The following CTNNA2 variants were observed in gnomAD, a reference collection of about 807,000 sequenced individuals.
CTNNA2 encodes the protein catenin alpha-2.
A neutral mutation model predicts 101.0 loss-of-function variants in CTNNA2; 42 were observed. The observed-to-expected ratio is 0.42, with a 90% CI of 0.32 to 0.54. CTNNA2 has a LOEUF of 0.54. Ranked by LOEUF, CTNNA2 falls within the 20% of genes least tolerant of loss-of-function variation. CTNNA2 has a pLI of 0.14. For synonymous variants in CTNNA2, 450 were observed against 456.4 expected (o/e 0.99, Z 0.18); for missense variants, 871 against 1,223.1 (o/e 0.71, Z 4.29).
chr2:79,781,287 G>A (rs998453432), intron 3 of CTNNA2, among the ~76,000 whole-genome samples: 4 of 152,128 alleles, frequency 2.6e-5, no homozygotes, highest in African/African-American at 9.7e-5. Flanking sequence ...GATCACTCTC[G>A]TCACCATCTT....
At chr2:79,821,559 A>G (rs1489875892) in intron 3 of CTNNA2, among the ~76,000 whole-genome samples, 1 of 152,220 alleles carries the variant, frequency 6.6e-6, no homozygotes, top group African/African-American at 2.4e-5. Context: ...AGAAAATGAA[A>G]GTTATTTTGA....
At chr2:79,226,220 G>A (rs759394126) in intron 2 of CTNNA2, among the ~76,000 whole-genome samples, 1 of 152,216 alleles carries the variant, frequency 6.6e-6, no homozygotes, top group Middle Eastern at 3.4e-3. Context: ...AAGATTATAT[G>A]ATGTACTCAT....
chr2:80,181,305 G>A (rs530445634), intron 7 of CTNNA2, among the ~76,000 whole-genome samples: 1 of 152,286 alleles, frequency 6.6e-6, no homozygotes, highest in African/African-American at 2.4e-5. Context: ...GGGTGGGGAA[G>A]GAGATGTTGC....
At chr2:79,208,878 T>C (rs1351320141) in intron 2 of CTNNA2, among the ~76,000 whole-genome samples, 1 of 152,258 alleles carries the variant, frequency 6.6e-6, no homozygotes, top group Non-Finnish European at 1.5e-5. Flanking sequence ...TCTTGTTTCC[T>C]TCTTTGACAG....
chr2:79,716,013 G>A (rs1243013079), intron 2 of CTNNA2, among the ~76,000 whole-genome samples: 2 of 149,550 alleles, frequency 1.3e-5, no homozygotes, highest in Admixed American at 6.7e-5. Context: ...CCAGTTAATC[G>A]ACTATAAGGA....
intron 2 of CTNNA2, among the ~76,000 whole-genome samples, chr2:79,239,844 C>A (rs1302582049): frequency 2.0e-5 from 3 of 151,786 alleles, no homozygotes; most frequent in African/African-American, 7.3e-5. Flanking sequence ...CGTAAAAGTG[C>A]TTTTTAATGT....
At chr2:79,725,879 G>A (rs79899499) in intron 2 of CTNNA2, among the ~76,000 whole-genome samples, 58 of 152,280 alleles carry the variant, frequency 3.8e-4, no homozygotes, top group African/African-American at 1.3e-3. Context: ...GAAACACAGT[G>A]AGTGAATGAT....
chr2:80,414,239 A>G (rs1679843464), intron 8 of CTNNA2, among the ~76,000 whole-genome samples: 1 of 152,222 alleles, frequency 6.6e-6, no homozygotes, highest in Admixed American at 6.5e-5. Flanking sequence ...AGCATAAAAG[A>G]GTGCAGCACT....
chr2:80,414,324 C>G (rs13427572), intron 8 of CTNNA2, among the ~76,000 whole-genome samples: 4,402 of 152,274 alleles, frequency 0.029, 208 homozygotes, highest in African/African-American at 0.1. Flanking sequence ...TAGTTCATAG[C>G]TTTTGATCTT....
chr2:80,008,673 C>T (rs12472503), intron 7 of CTNNA2, among the ~76,000 whole-genome samples: 19,900 of 152,122 alleles, frequency 0.13, 1,633 homozygotes, highest in South Asian at 0.32. Context: ...CTAGCCCTGC[C>T]GCTGTCTGTG....
At chr2:80,260,599 C>T (rs1444454881) in intron 7 of CTNNA2, among the ~76,000 whole-genome samples, 1 of 152,132 alleles carries the variant, frequency 6.6e-6, no homozygotes, top group East Asian at 1.9e-4. Flanking sequence ...CAGGTAACAG[C>T]TATGACCTCA....
At chr2:80,434,008 T>C (rs917094203) in intron 9 of CTNNA2, among the ~76,000 whole-genome samples, 1 of 152,172 alleles carries the variant, frequency 6.6e-6, no homozygotes, top group Admixed American at 6.5e-5. Context: ...AAGAAAGGCT[T>C]TTGCTCAAAT....
At chr2:80,583,637 GGTTGT>G (rs1432325272) in intron 14 of CTNNA2, among the ~76,000 whole-genome samples, 4 of 152,146 alleles carry the variant, frequency 2.6e-5, no homozygotes, top group Admixed American at 1.3e-4. Context: ...GACAAAGACA[GGTTGT>G]ACAACTCATC....
chr2:80,608,966 G>T (rs1222348970), intron 17 of CTNNA2, among the ~76,000 whole-genome samples: 1 of 151,808 alleles, frequency 6.6e-6, no homozygotes, highest in Non-Finnish European at 1.5e-5. Flanking sequence ...TAAGTTCAAT[G>T]AATATTTAGA....
chr2:79,636,269 C>CAAAAA (rs57739991), intron 1 of CTNNA2, among the ~76,000 whole-genome samples: 6 of 67,258 alleles, frequency 8.9e-5, no homozygotes, highest in East Asian at 3.3e-4. Context: ...GACTCTGTCT[C>CAAAAA]AAAAAAAAAA....
At chr2:80,585,598 T>C (rs1695909472) in intron 14 of CTNNA2, among the ~76,000 whole-genome samples, 1 of 152,178 alleles carries the variant, frequency 6.6e-6, no homozygotes, top group Non-Finnish European at 1.5e-5. Context: ...CAATTGCATG[T>C]TATGTATTTT....
intron 2 of CTNNA2, among the ~76,000 whole-genome samples, chr2:79,657,470 A>T (rs143855976): frequency 6.6e-6 from 1 of 152,046 alleles, no homozygotes; most frequent in East Asian, 1.9e-4. Flanking sequence ...ACCAGAACAG[A>T]TGGATGTTTA....
At chr2:79,771,956 A>G (rs1489961680) in intron 3 of CTNNA2, among the ~76,000 whole-genome samples, 2 of 152,038 alleles carry the variant, frequency 1.3e-5, no homozygotes, top group African/African-American at 2.4e-5. Context: ...ACAATTTCAT[A>G]TGTTTTGTGC....
At chr2:79,241,503 G>T (rs1307889030) in intron 2 of CTNNA2, among the ~76,000 whole-genome samples, 1 of 152,140 alleles carries the variant, frequency 6.6e-6, no homozygotes, top group Non-Finnish European at 1.5e-5. Flanking sequence ...AATTTTAGGA[G>T]CTGAGAATAG....
Sources: allele counts gnomAD v4.1 joint callset (sites outside exome capture counted in the v4.1 genomes callset), GRCh38; gene constraint gnomAD v4.1.1; transcripts MANE v1.5; gene names NCBI Gene and HGNC (gene_info 2026-07-23, HGNC 2026-07-21).